HERC1: variants seen among roughly 807,000 people sequenced by gnomAD.
The protein encoded by HERC1 is probable E3 ubiquitin-protein ligase HERC1.
In HERC1, 160 loss-of-function variants were observed where a neutral mutation model predicts 554.3. The ratio of observed to expected loss-of-function variants is 0.29; its 90% confidence interval spans 0.25 to 0.33. The LOEUF (loss-of-function observed/expected upper bound fraction) is 0.33, where lower values mean the gene tolerates loss of function less well. Ranked by LOEUF, HERC1 falls within the 10% of genes least tolerant of loss-of-function variation. The pLI is 1.00. For missense variants in HERC1, 4,919 were observed against 5,918.5 expected (o/e 0.83, Z 5.54); for synonymous variants, 2,175 against 2,131.7 (o/e 1.02, Z -0.56).
At chr15:63,735,385 G>A (rs1323109995) in intron 12 of HERC1, among the ~76,000 whole-genome samples, 1 of 121,986 alleles carries the variant, frequency 8.2e-6, no homozygotes, top group Admixed American at 9.4e-5. Flanking sequence ...CACACACCGG[G>A]GCCTGTTGTG....
chr15:63,786,988 G>T (rs950602620), intron 1 of HERC1, among the ~76,000 whole-genome samples: 1 of 146,408 alleles, frequency 6.8e-6, no homozygotes, highest in Non-Finnish European at 1.5e-5. Flanking sequence ...GCAATGGCAT[G>T]GTCTCACCAT....
rs2068208810 is a variant in HERC1, at chr15:63,624,340, G to T, written c.13276-13C>A. On this transcript the variant is annotated splice_polypyrimidine_tract_variant and intron_variant, in intron 71 of 77. Coordinates refer to ENST00000443617, the MANE Select transcript of HERC1 (RefSeq NM_003922.4). ...GGGATGTGCTGTTCTGTAACAGAAG[G>T]TACGGTTATCAGAAATGGTACAATC... 1 of 1,570,406 alleles carries T rather than the reference G, an allele frequency of 6.4e-7. No homozygotes were observed. Among genetic ancestry groups the T allele is most frequent in the Non-Finnish European group, 8.7e-7 (1 of 1,155,146 alleles).
At chr15:63,822,742 CTA>C (rs1212290987) in intron 1 of HERC1, among the ~76,000 whole-genome samples, 5 of 152,088 alleles carry the variant, frequency 3.3e-5, no homozygotes, top group Non-Finnish European at 7.4e-5. Flanking sequence ...AGATAAGAGA[CTA>C]TTATAATTAC....
At chr15:63,827,593 A>C (rs1239572183) in intron 1 of HERC1, among the ~76,000 whole-genome samples, 1 of 152,160 alleles carries the variant, frequency 6.6e-6, no homozygotes, top group African/African-American at 2.4e-5. Context: ...GTTGCTCAAA[A>C]AGTTAAACAT....
chr15:63,735,932 A>T (rs1596105057), intron 12 of HERC1, among the ~76,000 whole-genome samples: 3 of 152,180 alleles, frequency 2.0e-5, no homozygotes, highest in African/African-American at 7.2e-5. Context: ...CTAAAATCAA[A>T]TTTTAGCTGT....
At chr15:63,660,011 A>G in intron 46 of HERC1, 75 bp from the exon 47 acceptor site, 1 of 1,193,296 alleles carries the variant, frequency 8.4e-7, no homozygotes, top group Non-Finnish European at 1.2e-6. Flanking sequence ...GGTTGTTCTG[A>G]AAATACATCT....
At chr15:63,722,600 C>T (rs1229916459) in intron 19 of HERC1, among the ~76,000 whole-genome samples, 1 of 152,156 alleles carries the variant, frequency 6.6e-6, no homozygotes, top group Non-Finnish European at 1.5e-5. Context: ...CACGAAGTCA[C>T]TTAGTAACCC....
chr15:63,773,927 T>C (rs1567111918), intron 2 of HERC1, among the ~76,000 whole-genome samples: 1 of 152,214 alleles, frequency 6.6e-6, no homozygotes, highest in Non-Finnish European at 1.5e-5. Flanking sequence ...TGAAATTGAT[T>C]ATACTACGCT....
intron 40 of HERC1, 132 bp from the exon 41 acceptor site, chr15:63,666,604 T>G: frequency 1.6e-6 from 1 of 610,676 alleles, no homozygotes; most frequent in Non-Finnish European, 2.9e-6. Flanking sequence ...AATATGTGGC[T>G]GGGCACTGTG....
chr15:63,617,780 T>C (rs2067888129), intron 74 of HERC1, among the ~76,000 whole-genome samples: 1 of 152,344 alleles, frequency 6.6e-6, no homozygotes, highest in East Asian at 1.9e-4. Flanking sequence ...CATTTTTTCA[T>C]GTGTCTTTTG....
chr15:63,713,377 G>C lies in HERC1; in HGVS notation c.4439C>G (p.Ser1480Cys), dbSNP rs1433690605. The stretch of plus-strand genomic sequence containing the variant: ...CCTGGTCATAAGTCCACCCCCTTCA[G>C]AGGCACTTGTTGAAGGTTGCTGCAA... ...GQLQQPSTSA[S>C]EGGGLMTRSE... The change falls in exon 23 of 78, where the codon TCT (serine) becomes TGT (cysteine). Residue 1480 changes from serine (S) to cysteine (C), a missense_variant. This residue lies in a region of HERC1 where 1,121 missense variants were observed against 1,244.0 expected (regional missense o/e 0.90). Transcript: ENST00000443617. 1.2e-6 allele frequency: 2 copies of C among 1,613,808 alleles called. No homozygotes were observed. The highest frequency in any genetic ancestry group is 1.3e-5 in the African/African-American group (1 of 74,940).
chr15:63,703,513 T>C (rs1200873646), intron 25 of HERC1, among the ~76,000 whole-genome samples: 3 of 152,216 alleles, frequency 2.0e-5, no homozygotes, highest in Non-Finnish European at 4.4e-5. Context: ...TCAAGACCAC[T>C]GAGACTAGTA....
chr15:63,776,310 C>A (rs1280194209), intron 1 of HERC1, among the ~76,000 whole-genome samples: 2 of 152,206 alleles, frequency 1.3e-5, no homozygotes, highest in Non-Finnish European at 2.9e-5. Context: ...ACCAGTACCA[C>A]CACCCCACCC....
chr15:63,645,376 C>T (rs2152858552), intron 56 of HERC1, 107 bp downstream of exon 56: 2 of 784,348 alleles, frequency 2.5e-6, no homozygotes, highest in Non-Finnish European at 4.0e-6. Flanking sequence ...ATAAGAATAG[C>T]AACTGGCAAT....
intron 34 of HERC1, among the ~76,000 whole-genome samples, chr15:63,682,187 G>A (rs2071512874): frequency 6.6e-6 from 1 of 152,116 alleles, no homozygotes; most frequent in South Asian, 2.1e-4. Context: ...AACAGAAGGT[G>A]GACTGCTATC....
intron 69 of HERC1, among the ~76,000 whole-genome samples, chr15:63,629,327 C>T (rs1007492025): frequency 1.2e-4 from 18 of 152,176 alleles, no homozygotes; most frequent in African/African-American, 3.9e-4. Flanking sequence ...TAAGCTGCAA[C>T]AAGGCCATTC....
At chr15:63,830,816 A>C (rs1251998792) in intron 1 of HERC1, among the ~76,000 whole-genome samples, 2 of 152,220 alleles carry the variant, frequency 1.3e-5, no homozygotes, top group African/African-American at 4.8e-5. Context: ...CTGAAATTTA[A>C]CAGTCCCATT....
intron 69 of HERC1, among the ~76,000 whole-genome samples, chr15:63,629,427 C>A (rs1165850130): frequency 2.6e-5 from 4 of 152,158 alleles, no homozygotes; most frequent in Non-Finnish European, 5.9e-5. Flanking sequence ...TAAGTAATAA[C>A]AGAATGATCT....
intron 17 of HERC1, among the ~76,000 whole-genome samples, chr15:63,726,220 G>A (rs2074034901): frequency 6.6e-6 from 1 of 152,140 alleles, no homozygotes. Context: ...GACCTCAGGT[G>A]ATCCGGCGGC....
Sources: gnomAD v4.1 joint callset for allele counts (sites outside exome capture counted in the v4.1 genomes callset) on GRCh38, gnomAD v4.1.1 for gene constraint, gnomAD v4.1.1 regional missense constraint, MANE v1.5 for transcripts, NCBI Gene and HGNC (gene_info 2026-07-23, HGNC 2026-07-21) for gene names.